Variants in HS3ST4 observed in about 807,000 individuals in gnomAD.
The protein encoded by HS3ST4 is heparan sulfate glucosamine 3-O-sulfotransferase 4.
HS3ST4 carries 17 observed loss-of-function variants against 29.2 expected under a neutral mutation model. The ratio of observed to expected loss-of-function variants is 0.58; its 90% CI spans 0.40 to 0.87. The LOEUF (loss-of-function observed/expected upper bound fraction) is 0.87. HS3ST4 is among the 40% of genes least tolerant of loss of function. HS3ST4 has a pLI of 0.00. For missense variants in HS3ST4, 627 were observed against 634.5 expected (o/e 0.99, Z 0.13); for synonymous variants, 314 against 285.7 (o/e 1.10, Z -1.00).
chr16:25,991,387 A>T (rs532681144), intron 1 of HS3ST4, among the ~76,000 whole-genome samples: 1 of 152,338 alleles, frequency 6.6e-6, no homozygotes, highest in East Asian at 1.9e-4. Context: ...GTTGACACCT[A>T]CTGAAAGAAA....
chr16:25,868,644 C>G (rs1354072960), intron 1 of HS3ST4, among the ~76,000 whole-genome samples: 1 of 152,228 alleles, frequency 6.6e-6, no homozygotes, highest in Non-Finnish European at 1.5e-5. Context: ...TGTGTTCCCT[C>G]CAGCAGCTAA....
At chr16:25,992,080 T>C (rs1969119206) in intron 1 of HS3ST4, among the ~76,000 whole-genome samples, 1 of 152,144 alleles carries the variant, frequency 6.6e-6, no homozygotes, top group African/African-American at 2.4e-5. Flanking sequence ...TTGTAAAGTA[T>C]CTACCAAGTG....
intron 1 of HS3ST4, among the ~76,000 whole-genome samples, chr16:25,991,805 A>G (rs1046796992): frequency 1.3e-5 from 2 of 152,160 alleles, no homozygotes; most frequent in Admixed American, 1.3e-4. Context: ...GTGGATCACA[A>G]GGTCAGGAGA....
chr16:25,846,347 G>A (rs1333534869), intron 1 of HS3ST4, among the ~76,000 whole-genome samples: 1 of 152,042 alleles, frequency 6.6e-6, no homozygotes, highest in Non-Finnish European at 1.5e-5. Flanking sequence ...TAACCTGGGC[G>A]ACACAGTAAG....
intron 1 of HS3ST4, among the ~76,000 whole-genome samples, chr16:25,866,208 T>G (rs1967693076): frequency 6.6e-6 from 1 of 152,218 alleles, no homozygotes; most frequent in South Asian, 2.1e-4. Context: ...GGTCTACAAT[T>G]CAGCCTATAA....
At chr16:25,785,876 A>G (rs1966857027) in intron 1 of HS3ST4, among the ~76,000 whole-genome samples, 1 of 152,134 alleles carries the variant, frequency 6.6e-6, no homozygotes, top group African/African-American at 2.4e-5. Context: ...CTTCAGTGAG[A>G]ACAAACTGGA....
intron 1 of HS3ST4, among the ~76,000 whole-genome samples, chr16:25,857,993 C>A (rs866627233): frequency 6.3e-5 from 5 of 79,178 alleles, no homozygotes; most frequent in Non-Finnish European, 1.1e-4. Flanking sequence ...CTTTCTTTTT[C>A]TTCCTTCTTT....
chr16:25,876,425 C>G (rs1967834094), intron 1 of HS3ST4, among the ~76,000 whole-genome samples: 1 of 152,230 alleles, frequency 6.6e-6, no homozygotes, highest in South Asian at 2.1e-4. Flanking sequence ...GCACCATTCC[C>G]AGGATCTGCT....
At chr16:25,729,329 C>G (rs569792237) in intron 1 of HS3ST4, among the ~76,000 whole-genome samples, 5 of 152,260 alleles carry the variant, frequency 3.3e-5, no homozygotes, top group African/African-American at 2.4e-5. Flanking sequence ...GCCACAAGTT[C>G]TAAATATATG....
chr16:25,755,898 T>C (rs984141266), intron 1 of HS3ST4, among the ~76,000 whole-genome samples: 19 of 152,118 alleles, frequency 1.2e-4, no homozygotes, highest in African/African-American at 3.9e-4. Context: ...TATTGTCTTA[T>C]AGTAAAGAGG....
rs936028872 is a variant in HS3ST4 at position 25,941,174 on chromosome 16, G to A, written c.735-194438G>A. Among the ~76,000 whole-genome samples the A allele has an allele frequency of 2.3e-4, 35 of 152,132 alleles. 1 individual carries two copies. Among genetic ancestry groups the A allele is most frequent in the Admixed American group, 1.1e-3 (17 of 15,272 alleles). On this transcript the variant is annotated intron_variant, in intron 1 of 1. Transcript: ENST00000331351. ...TTTTGTTTTGTTTTTTTGTTAGTTTGTTTGTTTTGAGACGGAGTTTCGCCC... is the reference window on the plus strand; with the variant it reads ...TTTTGTTTTGTTTTTTTGTTAGTTTATTTGTTTTGAGACGGAGTTTCGCCC...
At chr16:26,132,263 A>G (rs1899429989) in intron 1 of HS3ST4, among the ~76,000 whole-genome samples, 1 of 152,206 alleles carries the variant, frequency 6.6e-6, no homozygotes, top group Non-Finnish European at 1.5e-5. Flanking sequence ...TTTGTCCTTT[A>G]TAGATTTCAA....
chr16:25,898,253 T>C (rs1213925714), intron 1 of HS3ST4, among the ~76,000 whole-genome samples: 1 of 152,262 alleles, frequency 6.6e-6, no homozygotes, highest in Admixed American at 6.5e-5. Context: ...TGAAAATGAC[T>C]TTAGTAGTGC....
At chr16:25,997,991 G>A (rs1279269712) in intron 1 of HS3ST4, among the ~76,000 whole-genome samples, 1 of 152,164 alleles carries the variant, frequency 6.6e-6, no homozygotes, top group African/African-American at 2.4e-5. Context: ...ATCCCAGCAT[G>A]TTGTGATGCC....
At chr16:26,093,348 A>T (rs1179387665) in intron 1 of HS3ST4, among the ~76,000 whole-genome samples, 3 of 152,154 alleles carry the variant, frequency 2.0e-5, no homozygotes, top group African/African-American at 7.2e-5. Context: ...GGGCTGACAG[A>T]CACCTCATAC....
intron 1 of HS3ST4, among the ~76,000 whole-genome samples, chr16:26,034,486 C>T (rs770842461): frequency 1.2e-4 from 19 of 152,166 alleles, no homozygotes; most frequent in Non-Finnish European, 1.8e-4. Context: ...CAGAGAAAGT[C>T]GGCTTTCCCT....
chr16:26,077,750 T>A (rs1898679338), intron 1 of HS3ST4, among the ~76,000 whole-genome samples: 1 of 152,204 alleles, frequency 6.6e-6, no homozygotes, highest in African/African-American at 2.4e-5. Flanking sequence ...GGGATGTTTA[T>A]CTTAAGCATT....
chr16:25,858,798 A>C (rs1300223228), intron 1 of HS3ST4, among the ~76,000 whole-genome samples: 2 of 151,786 alleles, frequency 1.3e-5, no homozygotes, highest in Non-Finnish European at 2.9e-5. Flanking sequence ...TTTTACATAG[A>C]GTTCTTTTAT....
chr16:25,904,145 TG>T (rs1968153911), intron 1 of HS3ST4, among the ~76,000 whole-genome samples: 1 of 79,524 alleles, frequency 1.3e-5, no homozygotes, highest in South Asian at 3.4e-4. Context: ...GATGGATGGA[TG>T]GATGGATGAA....
Sources: gnomAD v4.1 joint callset for allele counts (sites outside exome capture counted in the v4.1 genomes callset) on GRCh38, gnomAD v4.1.1 for gene constraint, MANE v1.5 for transcripts, NCBI Gene and HGNC (gene_info 2026-07-23, HGNC 2026-07-21) for gene names.